Variants in PCGF3 observed in about 807,000 individuals in gnomAD.
PCGF3 encodes the protein polycomb group RING finger protein 3.
A neutral mutation model predicts 33.1 loss-of-function variants in PCGF3; 7 were observed. The observed-to-expected ratio is 0.21, with a 90% confidence interval of 0.12 to 0.40. The LOEUF (loss-of-function observed/expected upper bound fraction) is 0.40, where lower values mean the gene tolerates loss of function less well. Ranked by LOEUF, PCGF3 falls within the 10% of genes least tolerant of loss-of-function variation. The pLI is 1.00. For missense variants in PCGF3, 211 were observed against 313.3 expected (o/e 0.67, Z 2.46); for synonymous variants, 153 against 121.3 (o/e 1.26, Z -1.72).
At chr4:728,510 C>T (rs1743422176) in intron 1 of PCGF3, among the ~76,000 whole-genome samples, 2 of 152,186 alleles carry the variant, frequency 1.3e-5, no homozygotes, top group Non-Finnish European at 1.5e-5. Context: ...AGCTTCTGTG[C>T]AGACTCGACA....
At chr4:755,829 G>A (rs901405593) in intron 8 of PCGF3, among the ~76,000 whole-genome samples, 1 of 146,674 alleles carries the variant, frequency 6.8e-6, no homozygotes, top group Non-Finnish European at 1.5e-5. Flanking sequence ...GAATTGCAAT[G>A]ATTTATTTTA....
intron 1 of PCGF3, among the ~76,000 whole-genome samples, chr4:711,612 C>T (rs1334917632): frequency 1.3e-5 from 2 of 148,730 alleles, no homozygotes; most frequent in South Asian, 2.2e-4. Context: ...CGCCCGCCAC[C>T]GCGCCCGGCT....
At chr4:726,021 T>A (rs1355617807) in intron 1 of PCGF3, among the ~76,000 whole-genome samples, 1 of 152,090 alleles carries the variant, frequency 6.6e-6, no homozygotes, top group Admixed American at 6.5e-5. Flanking sequence ...CCGTCCACCG[T>A]GTGTCCATGG....
At chr4:717,050 G>C (rs1228036172) in intron 1 of PCGF3, among the ~76,000 whole-genome samples, 1 of 143,336 alleles carries the variant, frequency 7.0e-6, no homozygotes, top group Admixed American at 6.9e-5. Flanking sequence ...TGAGAACTGG[G>C]CGTCGGTGCT....
rs34927260 is a variant in PCGF3, at chr4:729,099, CAAAAAAAAAA to C, written c.-189-1510_-189-1501del. 3.0e-4 allele frequency among the ~76,000 whole-genome samples: 12 copies of C among 40,266 alleles called. No individual in the cohort carries two copies. The East Asian group carries it at 5.5e-3, about 18-fold the overall frequency. The allele number at this position is 40,266 out of a possible 152,430, so 26.4% of individuals were successfully genotyped here. On this transcript the variant is annotated intron_variant, in intron 1 of 10. Coordinates refer to ENST00000362003, the Ensembl canonical transcript of PCGF3. The stretch of plus-strand genomic sequence containing the variant: ...TGGGTGACAGAGCGAGACTCCATCT[CAAAAAAAAAA>C]AAAAAAAAAAAAAAAAAAAACTGGG...
chr4:766,038 C>G, exon 11 of PCGF3: 1 of 1,614,096 alleles, frequency 6.2e-7, no homozygotes, highest in Non-Finnish European at 8.5e-7. Flanking sequence ...CCAGAAGGCG[C>G]CGCTCCTGCT....
At chr4:760,621 G>A (rs1396307658) in intron 8 of PCGF3, among the ~76,000 whole-genome samples, 1 of 152,164 alleles carries the variant, frequency 6.6e-6, no homozygotes, top group Non-Finnish European at 1.5e-5. Context: ...GCCGTTTGTT[G>A]CGGCTCCACC....
At chr4:763,561 C>G (rs1745189108) in intron 9 of PCGF3, among the ~76,000 whole-genome samples, 2 of 152,238 alleles carry the variant, frequency 1.3e-5, no homozygotes, top group Admixed American at 1.3e-4. Context: ...GGCCAGAATC[C>G]CAAGCACTGA....
At chr4:732,871 C>G (rs527803961) in intron 3 of PCGF3, among the ~76,000 whole-genome samples, 5 of 152,368 alleles carry the variant, frequency 3.3e-5, no homozygotes, top group African/African-American at 1.2e-4. Flanking sequence ...TGCTCTCTTG[C>G]CTCAAGCACA....
chr4:748,916 G>A (rs892747121), intron 8 of PCGF3, among the ~76,000 whole-genome samples: 1 of 152,144 alleles, frequency 6.6e-6, no homozygotes, highest in African/African-American at 2.4e-5. Flanking sequence ...TTTGGGGTCT[G>A]CTGGGTGGGC....
chr4:718,018 G>A lies in PCGF3; in HGVS notation c.-190+12048G>A, dbSNP rs969907649. Among the ~76,000 whole-genome samples the A allele has an allele frequency of 7.2e-5, 11 of 152,202 alleles. No homozygotes were observed. The South Asian group carries it at 1.0e-3, about 14-fold the overall frequency. ...GGCGAGGGTGCTGTGTGGGTGCCGC[G>A]TGTCCTTCAAGGCACAGCAGATTGG... On this transcript the variant is annotated intron_variant, in intron 1 of 10. Transcript: ENST00000362003.
chr4:733,525 G>A, intron 3 of PCGF3, 147 bp from the exon 4 acceptor site: 1 of 725,322 alleles, frequency 1.4e-6, no homozygotes, highest in Non-Finnish European at 2.2e-6. Context: ...GCACATGGGA[G>A]CCTGGGACCC....
intron 3 of PCGF3, chr4:731,392 C>G (rs1452787904): frequency 7.8e-6 from 3 of 385,956 alleles, no homozygotes; most frequent in Non-Finnish European, 1.4e-5. Context: ...AGCAGTGCTG[C>G]TTGGGGGCCG....
At chr4:737,910 C>T (rs887032254) in intron 6 of PCGF3, among the ~76,000 whole-genome samples, 3 of 152,154 alleles carry the variant, frequency 2.0e-5, no homozygotes, top group Non-Finnish European at 2.9e-5. Flanking sequence ...GTTGGCATAG[C>T]GGGTAGCTGG....
chr4:766,604 CAA>C (rs1323809664), exon 11 of PCGF3: 1 of 152,272 alleles, frequency 6.6e-6, no homozygotes, highest in Non-Finnish European at 1.5e-5. Flanking sequence ...AAAAGCAAAC[CAA>C]AAGAGGTTTC....
intron 7 of PCGF3, 81 bp from the exon 8 acceptor site, chr4:744,519 G>T: frequency 1.9e-6 from 2 of 1,056,046 alleles, no homozygotes; most frequent in South Asian, 1.4e-5. Flanking sequence ...ATTTTTGACG[G>T]CATTTGGAGT....
At chr4:734,028 C>A (rs965109934) in intron 4 of PCGF3, 2 of 1,550,756 alleles carry the variant, frequency 1.3e-6, no homozygotes, top group Non-Finnish European at 1.7e-6. Flanking sequence ...ACAGGAGAGA[C>A]CCCACATTCC....
At chr4:747,794 C>T (rs1409050950) in intron 8 of PCGF3, among the ~76,000 whole-genome samples, 1 of 152,160 alleles carries the variant, frequency 6.6e-6, no homozygotes, top group Non-Finnish European at 1.5e-5. Context: ...AGGGCTCACA[C>T]CAGAAACCTT....
chr4:720,958 A>T lies in PCGF3; in HGVS notation c.-189-9672A>T, dbSNP rs1318692185. 6.6e-6 allele frequency among the ~76,000 whole-genome samples: 1 copy of T among 152,142 alleles called. No homozygotes were observed. The highest frequency in any genetic ancestry group is 1.5e-5 in the Non-Finnish European group (1 of 68,020). On this transcript the variant is annotated intron_variant, in intron 1 of 10. Transcript: ENST00000362003. The surrounding 1 kb of genome is among the most constrained non-coding windows in gnomAD (Gnocchi z 5.6). ...TCACCACTTGGACGGGAGCTCTGGCATGGTCCAGGGAGTGGCCGAGGACAG... is the reference window on the plus strand; with the variant it reads ...TCACCACTTGGACGGGAGCTCTGGCTTGGTCCAGGGAGTGGCCGAGGACAG...
Sources: gnomAD v4.1 joint callset for allele counts (sites outside exome capture counted in the v4.1 genomes callset) on GRCh38, gnomAD v4.1.1 for gene constraint, Gnocchi (gnomAD v3.1) non-coding constraint, MANE v1.5 for transcripts, NCBI Gene and HGNC (gene_info 2026-07-23, HGNC 2026-07-21) for gene names.